Variants in ANO10 observed in about 807,000 individuals in gnomAD.
ANO10 encodes the protein anoctamin-10.
Under a neutral mutation model 74.7 loss-of-function variants are expected in ANO10, and 77 were observed. The ratio of observed to expected loss-of-function variants is 1.03; its 90% CI spans 0.86 to 1.25. ANO10 has a LOEUF of 1.25. ANO10 is among the 50% of genes most tolerant of loss of function. ANO10 has a pLI of 0.00. For missense variants in ANO10, 721 were observed against 778.1 expected (o/e 0.93, Z 0.87); for synonymous variants, 279 against 284.9 (o/e 0.98, Z 0.21).
chr3:43,676,304 GA>G (rs61548657), intron 1 of ANO10, among the ~76,000 whole-genome samples: 17,782 of 147,250 alleles, frequency 0.12, 1,830 homozygotes, highest in African/African-American at 0.28. Context: ...ACAAAAAAAA[GA>G]AAAAAAAAAT....
At chr3:43,494,629 T>C (rs1261986087) in intron 11 of ANO10, among the ~76,000 whole-genome samples, 4 of 152,190 alleles carry the variant, frequency 2.6e-5, no homozygotes, top group African/African-American at 4.8e-5. Context: ...CTCTTCTTTA[T>C]AGCAGTAAGA....
chr3:43,432,219 T>C (rs2092993917), intron 12 of ANO10, among the ~76,000 whole-genome samples: 1 of 151,666 alleles, frequency 6.6e-6, no homozygotes, highest in African/African-American at 2.4e-5. Flanking sequence ...CCTGATCTCA[T>C]TCTGTCTCGC....
At chr3:43,504,125 C>T (rs574166342) in intron 11 of ANO10, among the ~76,000 whole-genome samples, 7 of 151,972 alleles carry the variant, frequency 4.6e-5, no homozygotes, top group South Asian at 2.1e-4. Flanking sequence ...AAAAATTAGC[C>T]GGCACGGTGG....
At chr3:43,474,739 G>C (rs1322985100) in intron 11 of ANO10, among the ~76,000 whole-genome samples, 1 of 152,066 alleles carries the variant, frequency 6.6e-6, no homozygotes, top group Admixed American at 6.6e-5. Context: ...TGCATTTATG[G>C]TCATTACAGA....
chr3:43,451,066 A>G (rs546122894), intron 11 of ANO10, among the ~76,000 whole-genome samples: 1 of 152,334 alleles, frequency 6.6e-6, no homozygotes, highest in East Asian at 1.9e-4. Flanking sequence ...GAAGTTTATA[A>G]TGTCGAGATT....
At chr3:43,402,634 C>T (rs1189975466) in intron 12 of ANO10, among the ~76,000 whole-genome samples, 3 of 152,086 alleles carry the variant, frequency 2.0e-5, no homozygotes, top group African/African-American at 7.2e-5. Flanking sequence ...CCAGGTCATC[C>T]CTTCTTCTGT....
intron 1 of ANO10, among the ~76,000 whole-genome samples, chr3:43,678,291 C>T (rs977629545): frequency 6.6e-6 from 1 of 152,116 alleles, no homozygotes; most frequent in African/African-American, 2.4e-5. Flanking sequence ...ATGTGTATTG[C>T]TTTCATATCA....
At chr3:43,534,434 G>A (rs1005465829) in intron 11 of ANO10, among the ~76,000 whole-genome samples, 11 of 152,064 alleles carry the variant, frequency 7.2e-5, no homozygotes, top group South Asian at 2.1e-4. Context: ...CTCTGTTCAC[G>A]TGTATGTGAG....
In ANO10 at chr3:43,366,331, A is replaced by G. The variant is rs2091409209; in HGVS notation, c.*575T>C. The stretch of plus-strand genomic sequence containing the variant: ...AGCCCATTGCGGTACCTATGTAGGC[A>G]GAAGGAGTCAGAGAGGTTGCCTTTA... On this transcript the variant is annotated 3_prime_UTR_variant, in exon 13 of 13. Coordinates refer to ENST00000292246, the MANE Select transcript of ANO10 (RefSeq NM_018075.5). 1.2e-5 allele frequency: 2 copies of G among 170,550 alleles called. No homozygotes were observed. Among genetic ancestry groups the G allele is most frequent in the African/African-American group, 2.4e-5 (1 of 41,968 alleles). The allele number at this position is 170,550 out of a possible 1,614,324, so 10.6% of individuals were successfully genotyped here. A position where few individuals can be genotyped will look rare whatever the true frequency, so the allele number is the denominator to read the frequency against.
chr3:43,414,365 T>C (rs181882577), intron 12 of ANO10, among the ~76,000 whole-genome samples: 1 of 152,198 alleles, frequency 6.6e-6, no homozygotes, highest in African/African-American at 2.4e-5. Flanking sequence ...ATATGTTTAA[T>C]ATTATTAATA....
chr3:43,389,059 T>C (rs1188885930), intron 12 of ANO10, among the ~76,000 whole-genome samples: 1 of 152,224 alleles, frequency 6.6e-6, no homozygotes, highest in Non-Finnish European at 1.5e-5. Context: ...AGTCACAGAT[T>C]AGGTTAAACT....
intron 1 of ANO10, among the ~76,000 whole-genome samples, chr3:43,612,145 TA>T (rs2082857278): frequency 5.9e-5 from 2 of 33,630 alleles, no homozygotes; most frequent in Admixed American, 3.0e-4. Flanking sequence ...ATATTTTATA[TA>T]TATATATATA....
intron 11 of ANO10, among the ~76,000 whole-genome samples, chr3:43,501,350 C>T (rs955449230): frequency 1.3e-5 from 2 of 152,100 alleles, no homozygotes; most frequent in Admixed American, 6.5e-5. Flanking sequence ...GGGATCTGCC[C>T]GCATGACCCA....
intron 11 of ANO10, among the ~76,000 whole-genome samples, chr3:43,508,272 CAT>C (rs1392292143): frequency 6.6e-6 from 1 of 152,124 alleles, no homozygotes; most frequent in Non-Finnish European, 1.5e-5. Context: ...TTGCAAACCA[CAT>C]ATCCAACAAA....
At chr3:43,663,276 A>G (rs1288129453) in intron 1 of ANO10, among the ~76,000 whole-genome samples, 4 of 152,196 alleles carry the variant, frequency 2.6e-5, no homozygotes, top group African/African-American at 9.7e-5. Context: ...ACATAAACAG[A>G]ACCAACAACA....
chr3:43,431,654 C>A (rs1393706973), intron 12 of ANO10, among the ~76,000 whole-genome samples: 1 of 152,018 alleles, frequency 6.6e-6, no homozygotes, highest in Non-Finnish European at 1.5e-5. Flanking sequence ...TACTGTGTGG[C>A]AAACATGAGC....
At chr3:43,535,765 A>G (rs1057467936) in intron 11 of ANO10, among the ~76,000 whole-genome samples, 1 of 152,206 alleles carries the variant, frequency 6.6e-6, no homozygotes, top group African/African-American at 2.4e-5. Context: ...AAATCCTGAA[A>G]ATCCAAATTC....
chr3:43,430,088 A>G (rs1267505240), intron 12 of ANO10, among the ~76,000 whole-genome samples: 3 of 152,186 alleles, frequency 2.0e-5, no homozygotes, highest in Admixed American at 6.5e-5. Context: ...ACTGGTGTTT[A>G]AATTTATATT....
intron 11 of ANO10, among the ~76,000 whole-genome samples, chr3:43,450,780 A>C (rs2074828946): frequency 6.6e-6 from 1 of 152,206 alleles, no homozygotes; most frequent in Admixed American, 6.5e-5. Context: ...CATTTATGTC[A>C]TCTTTTTGTA....
Sources: gnomAD v4.1 joint callset for allele counts (sites outside exome capture counted in the v4.1 genomes callset) on GRCh38, gnomAD v4.1.1 for gene constraint, MANE v1.5 for transcripts, NCBI Gene and HGNC (gene_info 2026-07-23, HGNC 2026-07-21) for gene names.